NRXN1: variants seen among roughly 807,000 people sequenced by gnomAD.
The protein encoded by NRXN1 is neurexin 1.
In NRXN1, 39 loss-of-function variants were observed where a neutral mutation model predicts 150.9. The observed-to-expected ratio is 0.26, with a 90% confidence interval of 0.20 to 0.34. The LOEUF (loss-of-function observed/expected upper bound fraction) is 0.34. Among genes scored for constraint, NRXN1 ranks in the 10% least tolerant of loss-of-function variants. NRXN1 has a pLI of 1.00. For synonymous variants in NRXN1, 924 were observed against 757.0 expected (o/e 1.22, Z -3.62); for missense variants, 1,815 against 1,949.9 (o/e 0.93, Z 1.30).
intron 13 of NRXN1, among the ~76,000 whole-genome samples, chr2:50,502,483 AAC>A (rs893192221): frequency 1.2e-4 from 18 of 151,298 alleles, no homozygotes; most frequent in African/African-American, 3.9e-4. Flanking sequence ...CAGACACACA[AAC>A]ACACACACAC....
intron 12 of NRXN1, among the ~76,000 whole-genome samples, chr2:50,521,876 A>G (rs1404858167): frequency 6.6e-6 from 1 of 152,172 alleles, no homozygotes; most frequent in East Asian, 1.9e-4. Flanking sequence ...TGCCACCAAA[A>G]CTAAGATCTG....
chr2:50,851,474 T>C (rs1049257122), intron 5 of NRXN1, among the ~76,000 whole-genome samples: 4 of 152,146 alleles, frequency 2.6e-5, no homozygotes, highest in Admixed American at 6.5e-5. Context: ...CTTGCTGCAA[T>C]GGCCTCCTCT....
intron 17 of NRXN1, among the ~76,000 whole-genome samples, chr2:50,324,045 G>A (rs2076221269): frequency 6.6e-6 from 1 of 152,224 alleles, no homozygotes; most frequent in African/African-American, 2.4e-5. Context: ...AGGACGGGAA[G>A]GCTTTGAATG....
At chr2:49,936,043 T>C (rs1670971314) in intron 22 of NRXN1, among the ~76,000 whole-genome samples, 1 of 152,204 alleles carries the variant, frequency 6.6e-6, no homozygotes, top group African/African-American at 2.4e-5. Context: ...CGATTATTAA[T>C]GCTCTAAGGC....
intron 5 of NRXN1, among the ~76,000 whole-genome samples, chr2:50,888,523 T>A (rs1680599972): frequency 6.6e-6 from 1 of 151,500 alleles, no homozygotes; most frequent in African/African-American, 2.4e-5. Flanking sequence ...CTTCCTTCTT[T>A]CCTTTCTTGC....
chr2:50,892,621 G>A (rs1681242121), intron 5 of NRXN1, among the ~76,000 whole-genome samples: 2 of 152,054 alleles, frequency 1.3e-5, no homozygotes, highest in African/African-American at 4.8e-5. Context: ...ACCTTGACAT[G>A]GAATTCTTAA....
At chr2:50,474,683 C>A (rs368558402) in intron 15 of NRXN1, among the ~76,000 whole-genome samples, 718 of 54,998 alleles carry the variant, frequency 0.013, 13 homozygotes, top group African/African-American at 0.046. Flanking sequence ...ACAGAAATAG[C>A]AAAAAAAAAA....
intron 5 of NRXN1, among the ~76,000 whole-genome samples, chr2:50,882,991 T>C (rs1559389684): frequency 6.6e-6 from 1 of 151,800 alleles, no homozygotes; most frequent in Admixed American, 6.6e-5. Flanking sequence ...CAGACAACTG[T>C]CATAGTAGCG....
At chr2:50,974,776 A>G (rs1168350165) in intron 2 of NRXN1, among the ~76,000 whole-genome samples, 1 of 152,098 alleles carries the variant, frequency 6.6e-6, no homozygotes, top group Non-Finnish European at 1.5e-5. Flanking sequence ...CTTAAAAACT[A>G]CAGTGCCTAA....
chr2:50,123,129 G>A (rs917673578), intron 18 of NRXN1, among the ~76,000 whole-genome samples: 1 of 152,124 alleles, frequency 6.6e-6, no homozygotes, highest in Non-Finnish European at 1.5e-5. Context: ...GGATACAGTA[G>A]TGAAACAAAC....
At chr2:50,171,318 G>C (rs1413798215) in intron 18 of NRXN1, among the ~76,000 whole-genome samples, 1 of 151,898 alleles carries the variant, frequency 6.6e-6, no homozygotes, top group Non-Finnish European at 1.5e-5. Context: ...AAATTTTCAA[G>C]AAAATTAATG....
chr2:50,497,863 C>A, intron 13 of NRXN1, 149 bp from the exon 14 acceptor site: 1 of 652,314 alleles, frequency 1.5e-6, no homozygotes, highest in Non-Finnish European at 2.5e-6. Context: ...TTAAATGATG[C>A]CAAAAGGTAA....
At chr2:50,611,407 T>C (rs531180988) in intron 8 of NRXN1, among the ~76,000 whole-genome samples, 33 of 152,200 alleles carry the variant, frequency 2.2e-4, no homozygotes, top group African/African-American at 7.2e-4. Context: ...AAAGGAAAGA[T>C]TCTATGTTTG....
At chr2:50,665,786 T>C (rs907769634) in intron 5 of NRXN1, among the ~76,000 whole-genome samples, 3 of 151,978 alleles carry the variant, frequency 2.0e-5, no homozygotes, top group African/African-American at 4.8e-5. Flanking sequence ...ATTTAAAATC[T>C]GGATTATGCA....
chr2:50,824,668 A>G (rs1670198989), intron 5 of NRXN1, among the ~76,000 whole-genome samples: 1 of 152,190 alleles, frequency 6.6e-6, no homozygotes, highest in South Asian at 2.1e-4. Flanking sequence ...GTAAGAAAAT[A>G]GATAATCCCC....
Position 50,481,760 on chromosome 2 carries a change from C to CTTTTTTTTTTTTTTT in NRXN1, c.3071-9304_3071-9290dup. Among the ~76,000 whole-genome samples the CTTTTTTTTTTTTTTT allele has an allele frequency of 1.3e-3, 104 of 82,964 alleles. 6 individuals are homozygous for CTTTTTTTTTTTTTTT. The highest frequency in any genetic ancestry group is 2.0e-3 in the South Asian group (4 of 2,028). 54.4% of individuals were successfully genotyped at this position (82,964 alleles called of 152,430 possible). Reference sequence around the variant, plus strand: ...CTTTCAATATTCTGAACTTTTGTTTCTTTTTTTTTTTTTTTTTTTTTTTGA... The same window carrying CTTTTTTTTTTTTTTT: ...CTTTCAATATTCTGAACTTTTGTTTCTTTTTTTTTTTTTTTTTTTTTTTTTTTTTTTTTTTTTTGA... On this transcript the variant is annotated intron_variant, in intron 15 of 22. Transcript: ENST00000401669.
intron 17 of NRXN1, among the ~76,000 whole-genome samples, chr2:50,320,282 T>TCTTATACATA (rs200051532): frequency 2.5e-4 from 12 of 47,534 alleles, no homozygotes; most frequent in South Asian, 1.7e-3. Context: ...TATACCTCAA[T>TCTTATACATA]CATATATATA....
At chr2:50,284,118 C>T (rs1455307758) in intron 17 of NRXN1, among the ~76,000 whole-genome samples, 1 of 152,174 alleles carries the variant, frequency 6.6e-6, no homozygotes, top group Non-Finnish European at 1.5e-5. Context: ...TGAGACACTG[C>T]TTTCTCTTGG....
chr2:50,776,930 C>T (rs1703720289), intron 5 of NRXN1, among the ~76,000 whole-genome samples: 1 of 152,112 alleles, frequency 6.6e-6, no homozygotes, highest in South Asian at 2.1e-4. Context: ...AATCTAATGC[C>T]AGTTCTCAAA....
Sources: gnomAD v4.1 joint callset for allele counts (sites outside exome capture counted in the v4.1 genomes callset) on GRCh38, gnomAD v4.1.1 for gene constraint, MANE v1.5 for transcripts, NCBI Gene and HGNC (gene_info 2026-07-23, HGNC 2026-07-21) for gene names.